Variants in SEMA3E observed in about 807,000 individuals in gnomAD.
The protein encoded by SEMA3E is semaphorin 3E.
In SEMA3E, 49 loss-of-function variants were observed where a neutral mutation model predicts 93.6. That is an observed-to-expected ratio of 0.52 (90% confidence interval 0.42 to 0.66). SEMA3E has a LOEUF of 0.66. SEMA3E is among the 30% of genes least tolerant of loss of function. The probability of loss-of-function intolerance (pLI) is 0.00; values close to 1 mark genes in which losing one functional copy is unlikely to be tolerated. For synonymous variants in SEMA3E, 363 were observed against 330.7 expected (o/e 1.10, Z -1.06); for missense variants, 906 against 964.8 (o/e 0.94, Z 0.81).
Position 83,367,665 on chromosome 7 carries a change from T to G in SEMA3E, c.2249A>C (p.Lys750Thr). ...KKLKMSPSKWKYANPQEKKLR... is the reference protein window; with the variant it reads ...KKLKMSPSKWTYANPQEKKLR... Reference sequence around the variant, plus strand: ...CTTCTTTTCCTGAGGGTTGGCATACTTCCACTTGGAGGGTGACATTTTAAG... The same window carrying G: ...CTTCTTTTCCTGAGGGTTGGCATACGTCCACTTGGAGGGTGACATTTTAAG... Residue 750 changes from lysine (K) to threonine (T), a missense_variant, in exon 17 of 17, where the codon AAG (lysine) becomes ACG (threonine). Physicochemically the swap from Lys to Thr is moderately conservative, Grantham distance 78. Coordinates refer to ENST00000643230, the MANE Select transcript of SEMA3E (RefSeq NM_012431.3). The G allele has an allele frequency of 6.2e-7, 1 of 1,614,168 alleles. No individual in the cohort carries two copies. Among genetic ancestry groups the G allele is most frequent in the South Asian group, 1.1e-5 (1 of 91,078 alleles).
intron 4 of SEMA3E, among the ~76,000 whole-genome samples, chr7:83,437,797 C>T (rs1376424308): frequency 6.6e-6 from 1 of 152,106 alleles, no homozygotes; most frequent in East Asian, 1.9e-4. Flanking sequence ...GTAAGATGGG[C>T]TTAGAATCTT....
intron 1 of SEMA3E, among the ~76,000 whole-genome samples, chr7:83,535,767 T>C (rs1791400677): frequency 6.6e-6 from 1 of 152,138 alleles, no homozygotes; most frequent in Admixed American, 6.6e-5. Flanking sequence ...ATTAGAAAGA[T>C]CTTCACCACA....
At position 83,466,471 on chromosome 7, in the gene SEMA3E, A is replaced by T. The variant is rs1200838084; in HGVS notation, c.456+11T>A. Reference sequence around the variant, plus strand: ...TTGTTTTTATTGACAGCAATGAATGAAACATCTTACCTCCAAATGATATCC... The same window carrying T: ...TTGTTTTTATTGACAGCAATGAATGTAACATCTTACCTCCAAATGATATCC... On this transcript the variant is annotated intron_variant, in intron 4 of 16. Transcript: ENST00000643230. 3 of 1,613,840 alleles carry T rather than the reference A, an allele frequency of 1.9e-6. No individual in the cohort carries two copies. Among genetic ancestry groups the T allele is most frequent in the South Asian group, 1.1e-5 (1 of 91,078 alleles).
chr7:83,445,879 A>G (rs1789218058), intron 4 of SEMA3E, among the ~76,000 whole-genome samples: 2 of 152,190 alleles, frequency 1.3e-5, no homozygotes. Context: ...TACGGCCTCC[A>G]TTTGCCTTTT....
chr7:83,573,723 A>G (rs1016373826), intron 1 of SEMA3E, among the ~76,000 whole-genome samples: 1 of 152,072 alleles, frequency 6.6e-6, no homozygotes, highest in South Asian at 2.1e-4. Context: ...ACTACTAATC[A>G]TAAATAGAGA....
intron 1 of SEMA3E, among the ~76,000 whole-genome samples, chr7:83,494,512 G>T (rs925343826): frequency 2.0e-5 from 3 of 151,774 alleles, no homozygotes; most frequent in Non-Finnish European, 4.4e-5. Flanking sequence ...TCACTTTATG[G>T]CCTTAGGTAG....
At chr7:83,545,796 T>C (rs1343000599) in intron 1 of SEMA3E, among the ~76,000 whole-genome samples, 2 of 143,836 alleles carry the variant, frequency 1.4e-5, no homozygotes, top group East Asian at 2.0e-4. Context: ...TGTATATATA[T>C]ACAAATATAT....
At chr7:83,540,317 T>C (rs778122998) in intron 1 of SEMA3E, among the ~76,000 whole-genome samples, 5 of 152,344 alleles carry the variant, frequency 3.3e-5, no homozygotes, top group African/African-American at 4.8e-5. Flanking sequence ...CAAACATTAA[T>C]CTACTAAACC....
chr7:83,632,088 G>A (rs946627027), intron 1 of SEMA3E, among the ~76,000 whole-genome samples: 1 of 151,426 alleles, frequency 6.6e-6, no homozygotes, highest in Non-Finnish European at 1.5e-5. Context: ...CTGGGAGGCA[G>A]AGGTTGCAGT....
At chr7:83,420,406 T>C (rs1788650045) in intron 4 of SEMA3E, among the ~76,000 whole-genome samples, 1 of 152,122 alleles carries the variant, frequency 6.6e-6, no homozygotes, top group Non-Finnish European at 1.5e-5. Context: ...TTCATTGCTA[T>C]CCCTATCAAA....
At chr7:83,590,161 C>A (rs1373602320) in intron 1 of SEMA3E, among the ~76,000 whole-genome samples, 1 of 152,088 alleles carries the variant, frequency 6.6e-6, no homozygotes. Flanking sequence ...ATGTCAAACA[C>A]CTAGAAACAT....
chr7:83,561,166 G>C (rs1235094256), intron 1 of SEMA3E, among the ~76,000 whole-genome samples: 1 of 152,042 alleles, frequency 6.6e-6, no homozygotes, highest in Non-Finnish European at 1.5e-5. Flanking sequence ...TATTGCCAAT[G>C]TGAAAATAAG....
intron 1 of SEMA3E, among the ~76,000 whole-genome samples, chr7:83,641,794 A>G (rs1329224869): frequency 3.9e-5 from 6 of 152,202 alleles, no homozygotes; most frequent in Admixed American, 3.9e-4. Context: ...AAAAGAGAAC[A>G]GCATAGATTA....
intron 2 of SEMA3E, among the ~76,000 whole-genome samples, chr7:83,486,629 G>A (rs2115962948): frequency 6.6e-6 from 1 of 152,082 alleles, no homozygotes; most frequent in African/African-American, 2.4e-5. Flanking sequence ...AGCCTCAGAG[G>A]GCATATTGAG....
chr7:83,595,795 G>T (rs978527904), intron 1 of SEMA3E, among the ~76,000 whole-genome samples: 19 of 151,952 alleles, frequency 1.3e-4, no homozygotes, highest in African/African-American at 4.6e-4. Flanking sequence ...GGAAGTTTAT[G>T]ATTTGATAAG....
chr7:83,539,027 GT>G (rs1233501057), intron 1 of SEMA3E, among the ~76,000 whole-genome samples: 3 of 152,124 alleles, frequency 2.0e-5, no homozygotes, highest in African/African-American at 7.2e-5. Context: ...CCACTAAAAA[GT>G]TGATTAGAAG....
At chr7:83,578,895 G>C (rs951095314) in intron 1 of SEMA3E, among the ~76,000 whole-genome samples, 2 of 151,960 alleles carry the variant, frequency 1.3e-5, no homozygotes, top group African/African-American at 4.8e-5. Context: ...TTTAGACTTG[G>C]AGCTTTGCAA....
intron 1 of SEMA3E, among the ~76,000 whole-genome samples, chr7:83,544,005 A>G (rs1419837506): frequency 6.6e-6 from 1 of 152,006 alleles, no homozygotes; most frequent in Admixed American, 6.6e-5. Flanking sequence ...CTAAATTGTC[A>G]CTTTCTCTTT....
At chr7:83,391,778 A>G (rs2371655) in intron 14 of SEMA3E, among the ~76,000 whole-genome samples, 18,504 of 152,192 alleles carry the variant, frequency 0.12, 1,162 homozygotes, top group East Asian at 0.15. Flanking sequence ...CCCAAAGTTA[A>G]ATAATAAAAA....
Sources: allele counts gnomAD v4.1 joint callset (sites outside exome capture counted in the v4.1 genomes callset), GRCh38; gene constraint gnomAD v4.1.1; transcripts MANE v1.5; gene names NCBI Gene and HGNC (gene_info 2026-07-23, HGNC 2026-07-21).